SLC25A47: variants seen among roughly 807,000 people sequenced by gnomAD.
SLC25A47 encodes the protein HCC-down-regulated mitochondrial carrier protein.
In SLC25A47, 30 loss-of-function variants were observed where a neutral mutation model predicts 29.8. The ratio of observed to expected loss-of-function variants is 1.01; its 90% CI spans 0.75 to 1.36. The LOEUF is 1.36. Among genes scored for constraint, SLC25A47 ranks in the 40% most tolerant of loss-of-function variants. SLC25A47 has a pLI of 0.00. For missense variants in SLC25A47, 430 were observed against 441.9 expected (o/e 0.97, Z 0.24); for synonymous variants, 204 against 197.8 (o/e 1.03, Z -0.26).
Position 100,329,928 on chromosome 14 carries a change from G to A in SLC25A47, c.*283G>A, listed in dbSNP as rs1374091563. Reference sequence around the variant, plus strand: ...TGAGAGCGTTGAGTTGCATGGAGTCGGTTGTTCATCCCAGCCTCCCCATGG... The same window carrying A: ...TGAGAGCGTTGAGTTGCATGGAGTCAGTTGTTCATCCCAGCCTCCCCATGG... On this transcript the variant is annotated 3_prime_UTR_variant, in exon 6 of 6. Transcript: ENST00000361529. The A allele has an allele frequency of 1.2e-5, 6 of 489,558 alleles. No homozygotes were observed. Among genetic ancestry groups the A allele is most frequent in the East Asian group, 3.6e-5 (1 of 27,418 alleles). The allele number at this position is 489,558 out of a possible 1,614,324, so 30.3% of individuals were successfully genotyped here.
intron 4 of SLC25A47, 88 bp from the exon 5 acceptor site, chr14:100,328,638 C>A (rs781537226): frequency 7.1e-7 from 1 of 1,399,122 alleles, no homozygotes; most frequent in South Asian, 1.2e-5. Flanking sequence ...CTGAGGTCAC[C>A]GTGAGCAACA....
Position 100,328,875 on chromosome 14 carries a change from C to CCGG in SLC25A47, c.479_480insGCG (p.Arg160dup), listed in dbSNP as rs1437618666. On this transcript the variant is annotated inframe_insertion, in exon 5 of 6. Coordinates refer to ENST00000361529, the MANE Select transcript of SLC25A47 (RefSeq NM_207117.4). ...CCCCAGCCTGCCCAGAGCCCAAGTA[C>CCGG]CGCGGGCCACTGCACTGCCTGGCCA... 4 of 1,612,030 alleles carry CCGG rather than the reference C, an allele frequency of 2.5e-6. No individual in the cohort carries two copies. The highest frequency in any genetic ancestry group is 3.4e-6 in the Non-Finnish European group (4 of 1,179,776).
At chr14:100,328,672 C>T (rs1370870592) in intron 4 of SLC25A47, 54 bp from the exon 5 acceptor site, 3 of 1,570,540 alleles carry the variant, frequency 1.9e-6, no homozygotes, top group Non-Finnish European at 2.6e-6. Context: ...AGGCCAGGTC[C>T]AGGCTGTGGG....
intron 1 of SLC25A47, among the ~76,000 whole-genome samples, chr14:100,324,749 C>T (rs1254192188): frequency 6.6e-6 from 1 of 152,200 alleles, no homozygotes; most frequent in South Asian, 2.1e-4. Flanking sequence ...TTGGAGAACT[C>T]CAGTTCTGGA....
In SLC25A47 at chr14:100,323,443, G is replaced by A; in HGVS notation, c.28+1G>A. The A allele has an allele frequency of 6.2e-7, 1 of 1,613,850 alleles. No homozygotes were observed. Among genetic ancestry groups the A allele is most frequent in the South Asian group, 1.1e-5 (1 of 91,076 alleles). On this transcript the variant is annotated splice_donor_variant, in intron 1 of 5. Transcript: ENST00000361529. LOFTEE classifies it high-confidence loss of function. Reference sequence around the variant, plus strand: ...GATTTTGTCGCTGGAGCCATCGGAGGTAACAGACAGGATGGTGGGCTGTGC... The same window carrying A: ...GATTTTGTCGCTGGAGCCATCGGAGATAACAGACAGGATGGTGGGCTGTGC...
chr14:100,328,675 G>A, intron 4 of SLC25A47, 51 bp from the exon 5 acceptor site: 4 of 1,576,192 alleles, frequency 2.5e-6, no homozygotes, highest in Non-Finnish European at 3.5e-6. Flanking sequence ...CCAGGTCCAG[G>A]CTGTGGGCAG....
Position 100,327,593 on chromosome 14 carries a change from C to T in SLC25A47, c.327+223C>T, listed in dbSNP as rs151205547. Among the ~76,000 whole-genome samples the T allele has an allele frequency of 5.2e-3, 786 of 152,282 alleles. 6 individuals carry two copies. Among genetic ancestry groups the T allele is most frequent in the Middle Eastern group, 0.01 (3 of 294 alleles). On this transcript the variant is annotated intron_variant, in intron 4 of 5. Transcript: ENST00000361529. ...GGGGTCGCTGCTGTCCTGCCCAGCA[C>T]GGCCCCCTCAGGAAGGGGGCTGTGA...
In SLC25A47 at chr14:100,325,397, G is replaced by A. The variant is rs187760944; in HGVS notation, c.29-391G>A. Among the ~76,000 whole-genome samples, 10 of 152,306 alleles carry A rather than the reference G, an allele frequency of 6.6e-5. No homozygotes were observed. In the South Asian group the frequency reaches 8.3e-4, roughly 13 times the overall value. ...ACAGGCAAACCCTCCATGGGCTGAC[G>A]GCTTGAGGGCAAGGTCTGCCTGGCT... On this transcript the variant is annotated intron_variant, in intron 1 of 5. Transcript: ENST00000361529.
chr14:100,326,173 A>C lies in SLC25A47; in HGVS notation c.89A>C (p.Glu30Ala), dbSNP rs756113639. 5.0e-6 allele frequency: 8 copies of C among 1,613,552 alleles called. No individual in the cohort carries two copies. The highest frequency in any genetic ancestry group is 6.8e-6 in the Non-Finnish European group (8 of 1,179,922). Residue 30 changes from glutamate (E) to alanine (A), a missense_variant, in exon 3 of 6, where the codon GAG (glutamate) becomes GCG (alanine). Transcript: ENST00000361529. ...LDTVKVRIQT[E>A]PKYTGIWHCV... ...CTCCTGCAGGTCAGGATCCAGACGGAGCCAAAGTACACAGGCATCTGGCAC... is the reference window on the plus strand; with the variant it reads ...CTCCTGCAGGTCAGGATCCAGACGGCGCCAAAGTACACAGGCATCTGGCAC...
chr14:100,323,574 G>A (rs1893286027), intron 1 of SLC25A47, 132 bp downstream of exon 1: 2 of 1,088,818 alleles, frequency 1.8e-6, no homozygotes, highest in Non-Finnish European at 2.7e-6. Context: ...TCTGCCAGGA[G>A]CAGAGAGCAG....
chr14:100,324,485 A>C, intron 1 of SLC25A47, among the ~76,000 whole-genome samples: 1 of 152,176 alleles, frequency 6.6e-6, no homozygotes, highest in East Asian at 1.9e-4. Context: ...TCAGCCTCCC[A>C]AAGTGCTGGG....
At chr14:100,323,557 C>T in intron 1 of SLC25A47, 115 bp downstream of exon 1, 1 of 1,259,762 alleles carries the variant, frequency 7.9e-7, no homozygotes, top group Admixed American at 1.9e-5. Context: ...CCCCTCACCC[C>T]CCAGGATCTG....
At chr14:100,323,592 G>T (rs758230222) in intron 1 of SLC25A47, 150 bp downstream of exon 1, 10 of 951,444 alleles carry the variant, frequency 1.1e-5, no homozygotes, top group Non-Finnish European at 1.6e-5. Flanking sequence ...CAGGTTCCTG[G>T]GAGGCTAAGG....
intron 5 of SLC25A47, 98 bp from the exon 6 acceptor site, chr14:100,329,267 T>C (rs1893402327): frequency 7.0e-7 from 1 of 1,423,552 alleles, no homozygotes; most frequent in Non-Finnish European, 9.4e-7. Flanking sequence ...CTCCCAAGCC[T>C]GTTGCAAATG....
chr14:100,324,999 C>G (rs1368031580), intron 1 of SLC25A47, among the ~76,000 whole-genome samples: 2 of 152,190 alleles, frequency 1.3e-5, no homozygotes, highest in Non-Finnish European at 1.5e-5. Context: ...TCACTTCATT[C>G]TTTCATCCCA....
intron 3 of SLC25A47, 21 bp downstream of exon 3, chr14:100,326,249 T>C (rs777561888): frequency 6.2e-7 from 1 of 1,610,860 alleles, no homozygotes; most frequent in Non-Finnish European, 8.5e-7. Context: ...GGCCAGGGGC[T>C]GGGTAGGGAG....
In SLC25A47 at chr14:100,330,328, C is replaced by T. The variant is rs1595391299; in HGVS notation, c.*683C>T. 6.5e-6 allele frequency: 1 copy of T among 153,414 alleles called. No individual in the cohort carries two copies. Among genetic ancestry groups the T allele is most frequent in the East Asian group, 1.9e-4 (1 of 5,190 alleles). The allele number at this position is 153,414 out of a possible 1,614,324, so 9.5% of individuals were successfully genotyped here. A position where few individuals can be genotyped will look rare whatever the true frequency, so the allele number is the denominator to read the frequency against. ...CGCTGCACCTGCCACTTAAAGACCCCAAAGACTCTGTTGGGAACTGTTGTC... is the reference window on the plus strand; with the variant it reads ...CGCTGCACCTGCCACTTAAAGACCCTAAAGACTCTGTTGGGAACTGTTGTC... On this transcript the variant is annotated 3_prime_UTR_variant, in exon 6 of 6. Coordinates refer to ENST00000361529, the MANE Select transcript of SLC25A47 (RefSeq NM_207117.4).
intron 1 of SLC25A47, among the ~76,000 whole-genome samples, chr14:100,325,577 G>A (rs1046012134): frequency 6.6e-6 from 1 of 152,212 alleles, no homozygotes; most frequent in East Asian, 1.9e-4. Context: ...GCTTGCAAAG[G>A]GTAGAAGACA....
intron 1 of SLC25A47, among the ~76,000 whole-genome samples, chr14:100,324,499 A>G (rs1489556294): frequency 6.6e-6 from 1 of 152,218 alleles, no homozygotes; most frequent in Non-Finnish European, 1.5e-5. Flanking sequence ...TGCTGGGATT[A>G]CAGGCGTGAG....
Sources: allele counts gnomAD v4.1 joint callset (sites outside exome capture counted in the v4.1 genomes callset), GRCh38; gene constraint gnomAD v4.1.1; transcripts MANE v1.5; gene names NCBI Gene and HGNC (gene_info 2026-07-23, HGNC 2026-07-21).